Variants in MNAT1 observed in about 807,000 individuals in gnomAD.
MNAT1 encodes the protein CDK-activating kinase assembly factor MAT1.
MNAT1 carries 43 observed loss-of-function variants against 42.0 expected under a neutral mutation model. The ratio of observed to expected loss-of-function variants is 1.02; its 90% CI spans 0.80 to 1.32. The LOEUF is 1.32. Ranked by LOEUF, MNAT1 falls within the 40% of genes most tolerant of loss-of-function variation. The pLI is 0.00. For missense variants in MNAT1, 306 were observed against 350.4 expected (o/e 0.87, Z 1.01); for synonymous variants, 118 against 120.0 (o/e 0.98, Z 0.11).
At chr14:60,885,489 G>A (rs1297270650) in intron 7 of MNAT1, among the ~76,000 whole-genome samples, 2 of 151,768 alleles carry the variant, frequency 1.3e-5, no homozygotes, top group East Asian at 3.9e-4. Flanking sequence ...GTTTTTGTTT[G>A]TATTTTCTTG....
chr14:60,809,938 A>G (rs1016923704), intron 4 of MNAT1, among the ~76,000 whole-genome samples: 8 of 152,162 alleles, frequency 5.3e-5, no homozygotes, highest in African/African-American at 1.7e-4. Context: ...ATTGATATTA[A>G]TTCTTCTTTA....
At chr14:60,821,613 G>T (rs2032891954) in intron 6 of MNAT1, among the ~76,000 whole-genome samples, 1 of 152,186 alleles carries the variant, frequency 6.6e-6, no homozygotes, top group South Asian at 2.1e-4. Flanking sequence ...TCGATCAAGT[G>T]TGATTTTCAT....
At chr14:60,940,660 G>T (rs2036131172) in intron 7 of MNAT1, among the ~76,000 whole-genome samples, 3 of 152,116 alleles carry the variant, frequency 2.0e-5, no homozygotes, top group Admixed American at 2.0e-4. Flanking sequence ...CTCATGATCT[G>T]CCCGCCTTGG....
At chr14:60,821,505 A>G (rs933748673) in intron 6 of MNAT1, among the ~76,000 whole-genome samples, 1 of 152,214 alleles carries the variant, frequency 6.6e-6, no homozygotes, top group African/African-American at 2.4e-5. Context: ...AATAGAATGA[A>G]GATCCTGAAG....
chr14:60,761,081 G>A (rs890926380), intron 1 of MNAT1, among the ~76,000 whole-genome samples: 1 of 152,124 alleles, frequency 6.6e-6, no homozygotes, highest in Non-Finnish European at 1.5e-5. Context: ...GTATTAATAT[G>A]TAATGTGTTT....
At chr14:60,748,589 A>C (rs894466754) in intron 1 of MNAT1, among the ~76,000 whole-genome samples, 1 of 150,530 alleles carries the variant, frequency 6.6e-6, no homozygotes, top group Non-Finnish European at 1.5e-5. Context: ...AAACCTACAC[A>C]TTAGCACATA....
At chr14:60,848,209 C>T (rs1216447702) in intron 6 of MNAT1, among the ~76,000 whole-genome samples, 1 of 152,116 alleles carries the variant, frequency 6.6e-6, no homozygotes, top group Non-Finnish European at 1.5e-5. Flanking sequence ...TTTCTTTTAG[C>T]CGTTTGAATA....
intron 7 of MNAT1, among the ~76,000 whole-genome samples, chr14:60,926,839 TG>T (rs1158529119): frequency 6.6e-6 from 1 of 152,148 alleles, no homozygotes; most frequent in Non-Finnish European, 1.5e-5. Context: ...AGTTCCAGCC[TG>T]CTAACTGCAT....
chr14:60,959,662 T>G (rs1350085331), intron 7 of MNAT1, among the ~76,000 whole-genome samples: 1 of 152,258 alleles, frequency 6.6e-6, no homozygotes, highest in Non-Finnish European at 1.5e-5. Flanking sequence ...GGGAGTTTTC[T>G]TCCAGTGTAT....
chr14:60,892,020 G>A (rs904774248), intron 7 of MNAT1, among the ~76,000 whole-genome samples: 1 of 152,036 alleles, frequency 6.6e-6, no homozygotes, highest in Admixed American at 6.6e-5. Flanking sequence ...TACTTTGTAT[G>A]ATACCAATTT....
chr14:60,864,090 C>T (rs1256567876), intron 6 of MNAT1, among the ~76,000 whole-genome samples: 1 of 151,926 alleles, frequency 6.6e-6, no homozygotes, highest in Admixed American at 6.6e-5. Flanking sequence ...GGTTGTAGCA[C>T]ATCTCAGTAA....
intron 7 of MNAT1, among the ~76,000 whole-genome samples, chr14:60,941,734 G>C (rs2036164707): frequency 6.7e-6 from 1 of 150,374 alleles, no homozygotes; most frequent in South Asian, 2.1e-4. Flanking sequence ...GCCGGGCGCG[G>C]TGGCTCACTC....
At chr14:60,766,117 A>G (rs115816338) in intron 1 of MNAT1, among the ~76,000 whole-genome samples, 2,014 of 152,242 alleles carry the variant, frequency 0.013, 45 homozygotes, top group African/African-American at 0.046. Context: ...TTGGAGGCCT[A>G]GGCGGGTAGA....
At chr14:60,810,704 G>A (rs1321564043) in intron 4 of MNAT1, among the ~76,000 whole-genome samples, 1 of 152,098 alleles carries the variant, frequency 6.6e-6, no homozygotes, top group African/African-American at 2.4e-5. Context: ...TTGTGGTCAG[G>A]AAAGATACTT....
chr14:60,912,512 G>A (rs1025730194), intron 7 of MNAT1, among the ~76,000 whole-genome samples: 8 of 152,154 alleles, frequency 5.3e-5, no homozygotes, highest in African/African-American at 1.7e-4. Context: ...TGTAGGGCAG[G>A]CCTGGTGGTG....
At chr14:60,786,219 G>A (rs2031646050) in intron 1 of MNAT1, among the ~76,000 whole-genome samples, 1 of 152,098 alleles carries the variant, frequency 6.6e-6, no homozygotes, top group South Asian at 2.1e-4. Flanking sequence ...CAAACATGTA[G>A]CATTTCTAAT....
chr14:60,862,731 TTATC>T (rs1474224302), intron 6 of MNAT1, among the ~76,000 whole-genome samples: 2 of 152,232 alleles, frequency 1.3e-5, no homozygotes, highest in Non-Finnish European at 2.9e-5. Flanking sequence ...ATTTTTATCT[TTATC>T]TACATATGTT....
At chr14:60,858,371 T>C (rs907274943) in intron 6 of MNAT1, among the ~76,000 whole-genome samples, 1 of 152,288 alleles carries the variant, frequency 6.6e-6, no homozygotes, top group African/African-American at 2.4e-5. Flanking sequence ...CATAAATGTC[T>C]TGTTTTGAGA....
intron 1 of MNAT1, among the ~76,000 whole-genome samples, chr14:60,781,284 T>G (rs2031451494): frequency 6.6e-6 from 1 of 152,108 alleles, no homozygotes; most frequent in Non-Finnish European, 1.5e-5. Context: ...AAGAAGCAAG[T>G]GGATTTGTGT....
Sources: gnomAD v4.1 joint callset for allele counts (sites outside exome capture counted in the v4.1 genomes callset) on GRCh38, gnomAD v4.1.1 for gene constraint, MANE v1.5 for transcripts, NCBI Gene and HGNC (gene_info 2026-07-23, HGNC 2026-07-21) for gene names.